The following CADM2 variants were observed in gnomAD, a reference collection of about 807,000 sequenced individuals.
CADM2 encodes the protein cell adhesion molecule 2.
A neutral mutation model predicts 49.8 loss-of-function variants in CADM2; 12 were observed. The observed-to-expected ratio is 0.24, with a 90% CI of 0.15 to 0.39. The LOEUF (loss-of-function observed/expected upper bound fraction) is 0.39. Ranked by LOEUF, CADM2 falls within the 10% of genes least tolerant of loss-of-function variation. The probability of loss-of-function intolerance (pLI) is 1.00; values close to 1 mark genes in which losing one functional copy is unlikely to be tolerated. For synonymous variants in CADM2, 214 were observed against 175.4 expected, an observed-to-expected ratio of 1.22 and a Z score of -1.74; for missense variants, 378 against 492.3, an observed-to-expected ratio of 0.77 and a Z score of 2.20.
At chr3:86,049,540 C>T (rs576789873) in intron 8 of CADM2, among the ~76,000 whole-genome samples, 5 of 152,170 alleles carry the variant, frequency 3.3e-5, no homozygotes, top group South Asian at 2.1e-4. Context: ...GGATTACAGG[C>T]GTGAGCCACC....
intron 1 of CADM2, among the ~76,000 whole-genome samples, chr3:85,158,103 C>T (rs2107661332): frequency 6.6e-6 from 1 of 152,326 alleles, no homozygotes; most frequent in South Asian, 2.1e-4. Context: ...CTCACCATCA[C>T]TGGCCATCAG....
intron 1 of CADM2, among the ~76,000 whole-genome samples, chr3:85,436,035 C>A (rs1326334752): frequency 6.6e-6 from 1 of 152,072 alleles, no homozygotes; most frequent in Non-Finnish European, 1.5e-5. Flanking sequence ...AATTAGATCC[C>A]ATTTGTCAAT....
intron 2 of CADM2, among the ~76,000 whole-genome samples, chr3:85,751,721 TA>T (rs563405062): frequency 1.4e-3 from 210 of 152,304 alleles, no homozygotes; most frequent in Non-Finnish European, 2.5e-3. Flanking sequence ...ATATATTTCT[TA>T]AAGGATCTTT....
intron 1 of CADM2, among the ~76,000 whole-genome samples, chr3:85,369,542 G>T (rs2033044688): frequency 6.6e-6 from 1 of 152,188 alleles, no homozygotes; most frequent in Non-Finnish European, 1.5e-5. Context: ...GCTGAGGCGG[G>T]TGGAATCACC....
intron 1 of CADM2, among the ~76,000 whole-genome samples, chr3:85,234,697 A>G (rs1335887093): frequency 6.6e-6 from 1 of 152,130 alleles, no homozygotes; most frequent in Non-Finnish European, 1.5e-5. Context: ...CATATTATCT[A>G]CAGTTTTATT....
chr3:85,218,450 C>T (rs1451064364), intron 1 of CADM2, among the ~76,000 whole-genome samples: 1 of 152,014 alleles, frequency 6.6e-6, no homozygotes, highest in Non-Finnish European at 1.5e-5. Context: ...GTGCTCCAGG[C>T]GGCCTTTAGA....
intron 1 of CADM2, among the ~76,000 whole-genome samples, chr3:84,961,280 A>G (rs979734175): frequency 2.6e-5 from 4 of 152,144 alleles, no homozygotes; most frequent in East Asian, 3.9e-4. Context: ...ATGCATATTT[A>G]TGAATGTGAA....
chr3:85,036,022 AT>A (rs1204848451), intron 1 of CADM2, among the ~76,000 whole-genome samples: 1 of 152,206 alleles, frequency 6.6e-6, no homozygotes, highest in Non-Finnish European at 1.5e-5. Context: ...ATTAGCATTA[AT>A]GACTATGTAT....
Position 85,780,592 on chromosome 3 carries a change from T to A in CADM2, c.89-21455T>A, listed in dbSNP as rs375510133. On this transcript the variant is annotated intron_variant, in intron 2 of 9. Transcript: ENST00000383699. The stretch of plus-strand genomic sequence containing the variant: ...TTTGATCACTTCCCAAAACATTGCC[T>A]TCTGCTTTCTCTTTTCATTTTTTCA... Among the ~76,000 whole-genome samples the A allele has an allele frequency of 7.2e-5, 11 of 152,318 alleles. 1 individual carries two copies. The East Asian group carries it at 1.7e-3, about 24-fold the overall frequency.
rs539312094 is a variant in CADM2 at position 86,013,364 on chromosome 3, G to C, written c.970+51717G>C. 210 of 1,541,618 alleles carry C rather than the reference G, an allele frequency of 1.4e-4. No homozygotes were observed. The African/African-American group carries it at 2.4e-3, about 18-fold the overall frequency. The stretch of plus-strand genomic sequence containing the variant: ...AATCTCTATTTGAATTATTGATTCT[G>C]ATGGGAAAGCAAAATATACCTCTGG... On this transcript the variant is annotated intron_variant, in intron 8 of 9. Transcript: ENST00000383699.
In CADM2 at chr3:85,041,281, T is replaced by G. The variant is rs145863947; in HGVS notation, c.61+81613T>G. On this transcript the variant is annotated intron_variant, in intron 1 of 9. Coordinates refer to ENST00000383699, the MANE Select transcript of CADM2 (RefSeq NM_001167675.2). ...TTTGCTTCCTCTTTAATCTCTAAAT[T>G]TTTATCAGGGTGTAATTTTAGGCAT... is the stretch of plus-strand genomic sequence containing the variant. Among the ~76,000 whole-genome samples the G allele has an allele frequency of 8.2e-3, 1,253 of 152,280 alleles. 10 individuals are homozygous for G. Among genetic ancestry groups the G allele is most frequent in the Non-Finnish European group, 0.014 (945 of 68,010 alleles).
At chr3:86,045,862 T>C (rs1404175103) in intron 8 of CADM2, among the ~76,000 whole-genome samples, 3 of 152,192 alleles carry the variant, frequency 2.0e-5, no homozygotes. Context: ...ATTCTCATCC[T>C]CATTTTACAC....
At chr3:85,965,504 A>C (rs749890639) in intron 8 of CADM2, among the ~76,000 whole-genome samples, 2 of 151,476 alleles carry the variant, frequency 1.3e-5, no homozygotes, top group African/African-American at 2.4e-5. Context: ...CATGAGTTGC[A>C]TACAGTTATT....
At chr3:85,220,984 G>A (rs1412310251) in intron 1 of CADM2, among the ~76,000 whole-genome samples, 1 of 152,144 alleles carries the variant, frequency 6.6e-6, no homozygotes, top group African/African-American at 2.4e-5. Flanking sequence ...CTTTGTCATT[G>A]TTAGATGTCT....
rs550397242 is a variant in CADM2, at chr3:85,342,819, C to A, written c.61+383151C>A. The stretch of plus-strand genomic sequence containing the variant: ...GGAGTATTGTCATGAAGATTTTTAA[C>A]CCAAGCAAGAAGAGAGTCATAGCTG... On this transcript the variant is annotated intron_variant, in intron 1 of 9. Transcript: ENST00000383699. Among the ~76,000 whole-genome samples, 10 of 152,158 alleles carry A rather than the reference C, an allele frequency of 6.6e-5. 1 individual carries two copies. The highest frequency in any genetic ancestry group is 4.1e-4 in the South Asian group (2 of 4,820).
In CADM2 at chr3:85,572,146, A is replaced by C. The variant is rs545357087; in HGVS notation, c.62-154376A>C. ...ACCCTGTCTCTACTAAAAATATAAA[A>C]ATTAGCCGGGCATGGTGGCGGATGC... is the stretch of plus-strand genomic sequence containing the variant. On this transcript the variant is annotated intron_variant, in intron 1 of 9. Coordinates refer to ENST00000383699, the MANE Select transcript of CADM2 (RefSeq NM_001167675.2). 5.3e-5 allele frequency among the ~76,000 whole-genome samples: 8 copies of C among 152,112 alleles called. No individual in the cohort carries two copies. In the East Asian group the frequency reaches 1.6e-3, roughly 30 times the overall value.
intron 1 of CADM2, among the ~76,000 whole-genome samples, chr3:85,515,425 C>CTTTTTT (rs10662116): frequency 7.1e-6 from 1 of 141,712 alleles, no homozygotes; most frequent in Non-Finnish European, 1.5e-5. Flanking sequence ...TTGTTTGTTT[C>CTTTTTT]TTTTTTTTTT....
chr3:85,882,723 G>A (rs1350839235), intron 3 of CADM2, among the ~76,000 whole-genome samples: 1 of 152,174 alleles, frequency 6.6e-6, no homozygotes, highest in East Asian at 1.9e-4. Context: ...ACCAAAGACT[G>A]TATTAACATA....
intron 3 of CADM2, among the ~76,000 whole-genome samples, chr3:85,819,221 T>C (rs1362037589): frequency 1.3e-5 from 2 of 152,132 alleles, no homozygotes; most frequent in Admixed American, 6.5e-5. Flanking sequence ...TTCCACCTTT[T>C]CCTGCCTGCT....
Sources: gnomAD v4.1 joint callset for allele counts (sites outside exome capture counted in the v4.1 genomes callset) on GRCh38, gnomAD v4.1.1 for gene constraint, MANE v1.5 for transcripts, NCBI Gene and HGNC (gene_info 2026-07-23, HGNC 2026-07-21) for gene names.